Variants in CNKSR2 observed in about 807,000 individuals in gnomAD.
CNKSR2 encodes connector enhancer of kinase suppressor of Ras 2, also known as CNK homolog protein 2.
Under a neutral mutation model 84.4 loss-of-function variants are expected in CNKSR2, and 14 were observed. The observed-to-expected ratio is 0.17, with a 90% confidence interval of 0.11 to 0.26. The LOEUF is 0.26. Ranked by LOEUF, CNKSR2 falls within the 10% of genes least tolerant of loss-of-function variation. The probability of loss-of-function intolerance (pLI) is 1.00; values close to 1 mark genes in which losing one functional copy is unlikely to be tolerated. For missense variants in CNKSR2, 485 were observed against 771.2 expected, an observed-to-expected ratio of 0.63 and a Z score of 4.40; for synonymous variants, 275 against 277.9, an observed-to-expected ratio of 0.99 and a Z score of 0.10.
In CNKSR2 at chrX:21,482,727, A is replaced by G. The variant is rs753003031; in HGVS notation, c.562-7732A>G. Among the ~76,000 whole-genome samples the G allele has an allele frequency of 3.5e-4, 39 of 112,006 alleles. No individual in the cohort carries two copies. The South Asian group carries it at 0.015, about 42-fold the overall frequency. On this transcript the variant is annotated intron_variant, in intron 5 of 21. Transcript: ENST00000379510. ...CACAAAACCAAATACATTAGCAGAA[A>G]CACTGTCCCAGGCTATGAAATTCTT... is the stretch of plus-strand genomic sequence containing the variant.
In CNKSR2 at chrX:21,606,893, A is replaced by C. The variant is rs372126474; in HGVS notation, c.2145+14A>C. 1.9e-4 allele frequency: 181 copies of C among 947,645 alleles called. No individual in the cohort carries two copies. The highest frequency in any genetic ancestry group is 2.7e-4 in the Middle Eastern group (1 of 3,757). The allele number at this position is 947,645 out of a possible 1,213,427, so 78.1% of individuals were successfully genotyped here. A position where few individuals can be genotyped will look rare whatever the true frequency, so the allele number is the denominator to read the frequency against. On this transcript the variant is annotated intron_variant, in intron 19 of 21. Coordinates refer to ENST00000379510, the MANE Select transcript of CNKSR2 (RefSeq NM_014927.5). ...CGACCTCCCTCGGTAAGTTAGCAAC[A>C]AGAACATTACTTATCACCAGATTCT... is the stretch of plus-strand genomic sequence containing the variant.
At chrX:21,500,378 C>T (rs1252354101) in intron 7 of CNKSR2, among the ~76,000 whole-genome samples, 1 of 110,890 alleles carries the variant, frequency 9.0e-6, no homozygotes, top group East Asian at 2.8e-4. Context: ...TAAAGTATGT[C>T]CTACTCCAGG....
chrX:21,541,714 C>T (rs758536212), intron 11 of CNKSR2, among the ~76,000 whole-genome samples: 4 of 111,444 alleles, frequency 3.6e-5, no homozygotes, highest in Admixed American at 9.5e-5. Flanking sequence ...CATTTAAAAG[C>T]ATTAATCTAT....
chrX:21,440,198 T>A (rs1318909527), intron 3 of CNKSR2, among the ~76,000 whole-genome samples: 2 of 111,123 alleles, frequency 1.8e-5, no homozygotes, highest in African/African-American at 6.5e-5. Flanking sequence ...ATAGTGCCTA[T>A]CTCATAATAG....
In CNKSR2 at chrX:21,591,184, T is replaced by C. The variant is rs199713903; in HGVS notation, c.1820T>C (p.Ile607Thr). Residue 607 changes from isoleucine (I) to threonine (T), a missense_variant, in exon 15 of 22, where the codon ATT (isoleucine) becomes ACT (threonine). This residue lies in a region of CNKSR2 where 30 missense variants were observed against 78.9 expected (regional missense o/e 0.38). Transcript: ENST00000379510. ...AAGGATGCATCCCTTTATTGGTATA[T>C]TAATGAGGAGGTAAGATAAAGCACC... ...VLKDASLYWY[I>T]NEEDEKAEGF... 7 of 1,182,077 alleles carry C rather than the reference T, an allele frequency of 5.9e-6. No homozygotes were observed. Among genetic ancestry groups the C allele is most frequent in the Non-Finnish European group, 6.8e-6 (6 of 877,643 alleles).
intron 18 of CNKSR2, chrX:21,606,545 G>A (rs1376725024): frequency 1.3e-5 from 4 of 301,488 alleles, no homozygotes; most frequent in Non-Finnish European, 2.3e-5. Context: ...AATTATGGCT[G>A]CATGTAACTG....
At position 21,567,275 on chromosome X, in the gene CNKSR2, G is replaced by A. The variant is rs766506726; in HGVS notation, c.1608+3823G>A. ...GTGTCTTTCTCTCCTGTACATGGTA[G>A]GACAGGTATGCCTATGTTCATGATG... On this transcript the variant is annotated intron_variant, in intron 13 of 21. Transcript: ENST00000379510. 4.5e-5 allele frequency among the ~76,000 whole-genome samples: 5 copies of A among 111,998 alleles called. No homozygotes were observed. In the South Asian group the frequency reaches 1.5e-3, roughly 33 times the overall value.
chrX:21,641,882 A>T lies in CNKSR2; in HGVS notation c.2693-6949A>T, dbSNP rs190435666. 3.5e-5 allele frequency: 29 copies of T among 837,844 alleles called. No homozygotes were observed. In the African/African-American group the frequency reaches 5.9e-4, roughly 17 times the overall value. The allele number at this position is 837,844 out of a possible 1,213,427, so 69.0% of individuals were successfully genotyped here. A position where few individuals can be genotyped will look rare whatever the true frequency, so the allele number is the denominator to read the frequency against. The stretch of plus-strand genomic sequence containing the variant: ...AAAGCCAATCAAGATGGAGCACAGT[A>T]ACAGAAAACTGCGGTTTCTGTGGGA... On this transcript the variant is annotated intron_variant, in intron 20 of 21. Coordinates refer to ENST00000379510, the MANE Select transcript of CNKSR2 (RefSeq NM_014927.5).
chrX:21,557,950 G>A (rs2092154014), intron 11 of CNKSR2, among the ~76,000 whole-genome samples: 1 of 111,291 alleles, frequency 9.0e-6, no homozygotes, highest in Non-Finnish European at 1.9e-5. Flanking sequence ...AAAGTCATAT[G>A]AGTATAAAAA....
chrX:21,527,697 T>G (rs2091848116), intron 10 of CNKSR2, among the ~76,000 whole-genome samples: 1 of 111,062 alleles, frequency 9.0e-6, no homozygotes, highest in Non-Finnish European at 1.9e-5. Flanking sequence ...ATATCCAGCC[T>G]TGTGAAATAC....
At chrX:21,502,655 T>C (rs1360055117) in intron 8 of CNKSR2, among the ~76,000 whole-genome samples, 4 of 111,674 alleles carry the variant, frequency 3.6e-5, no homozygotes, top group Middle Eastern at 4.3e-3. Flanking sequence ...TGTGATATTT[T>C]GGAAAGGCTC....
intron 4 of CNKSR2, among the ~76,000 whole-genome samples, chrX:21,470,363 G>GT (rs1262048307): frequency 2.7e-5 from 3 of 111,384 alleles, no homozygotes; most frequent in Non-Finnish European, 5.7e-5. Context: ...ATGTTAGTGT[G>GT]TTTTTTAATG....
At chrX:21,502,954 T>C (rs1465168507) in intron 8 of CNKSR2, among the ~76,000 whole-genome samples, 1 of 111,304 alleles carries the variant, frequency 9.0e-6, no homozygotes, top group Non-Finnish European at 1.9e-5. Flanking sequence ...CGAGTAGCTT[T>C]TCCCTCTTCT....
chrX:21,391,571 G>C (rs963607116), intron 1 of CNKSR2, among the ~76,000 whole-genome samples: 4 of 111,852 alleles, frequency 3.6e-5, no homozygotes, highest in Non-Finnish European at 5.6e-5. Context: ...GGTTGTACAG[G>C]GCAGCCAGGC....
rs1040486357 is a variant in CNKSR2, at chrX:21,390,485, G to A, written c.64+15524G>A. ...CACGTCTTACATGGCTAGAGAAGGA[G>A]GAAGAGAGCAAAGGGAAAGGTGCCA... On this transcript the variant is annotated intron_variant, in intron 1 of 21. Coordinates refer to ENST00000379510, the MANE Select transcript of CNKSR2 (RefSeq NM_014927.5). Among the ~76,000 whole-genome samples, 70 of 111,098 alleles carry A rather than the reference G, an allele frequency of 6.3e-4. 1 individual carries two copies. The highest frequency in any genetic ancestry group is 2.9e-4 in the Admixed American group (3 of 10,486).
intron 15 of CNKSR2, chrX:21,591,944 T>A (rs2092423400): frequency 8.9e-6 from 1 of 112,112 alleles, no homozygotes; most frequent in Non-Finnish European, 1.9e-5. Flanking sequence ...TATTTCCTTA[T>A]TTTATAAAAA....
intron 13 of CNKSR2, among the ~76,000 whole-genome samples, chrX:21,569,210 G>GTTA (rs751091035): frequency 0.019 from 2,095 of 110,293 alleles, 47 homozygotes; most frequent in African/African-American, 0.062. Context: ...CCTTCAGCAA[G>GTTA]TTATTATTAT....
chrX:21,591,788 G>A (rs2092422513), intron 15 of CNKSR2: 1 of 110,808 alleles, frequency 9.0e-6, no homozygotes, highest in Non-Finnish European at 1.9e-5. Flanking sequence ...TATATCCAGA[G>A]GAGTCATATC....
chrX:21,449,508 G>A (rs748710354), intron 4 of CNKSR2, among the ~76,000 whole-genome samples: 1 of 110,514 alleles, frequency 9.0e-6, no homozygotes, highest in African/African-American at 3.3e-5. Flanking sequence ...CATTGGTTAG[G>A]TCTTCATATG....
Sources: allele counts gnomAD v4.1 joint callset (sites outside exome capture counted in the v4.1 genomes callset), GRCh38; gene constraint gnomAD v4.1.1; regional missense constraint gnomAD v4.1.1; transcripts MANE v1.5; gene names NCBI Gene and HGNC (gene_info 2026-07-23, HGNC 2026-07-21).